The following ZNF584 variants were observed in gnomAD, a reference collection of about 807,000 sequenced individuals.
ZNF584 encodes the protein zinc finger protein 584.
A neutral mutation model predicts 14.7 loss-of-function variants in ZNF584; 12 were observed. That is an observed-to-expected ratio of 0.82 (90% CI 0.52 to 1.32). The LOEUF (loss-of-function observed/expected upper bound fraction) is 1.32. Among genes scored for constraint, ZNF584 ranks in the 40% most tolerant of loss-of-function variants. The pLI is 0.00. For synonymous variants in ZNF584, 204 were observed against 190.9 expected, an observed-to-expected ratio of 1.07 and a Z score of -0.57; for missense variants, 478 against 518.8, an observed-to-expected ratio of 0.92 and a Z score of 0.76.
Position 58,410,583 on chromosome 19 carries a change from GTATATATATGTA to G in ZNF584, c.169+500_169+511del, listed in dbSNP as rs1264296456. Among the ~76,000 whole-genome samples, 92 of 26,718 alleles carry G rather than the reference GTATATATATGTA, an allele frequency of 3.4e-3. 22 individuals carry two copies. The highest frequency in any genetic ancestry group is 3.5e-3 in the Non-Finnish European group (59 of 16,822). 17.5% of individuals were successfully genotyped at this position (26,718 alleles called of 152,430 possible). A position where few individuals can be genotyped will look rare whatever the true frequency, so the allele number is the denominator to read the frequency against. ...TGTGTATATATATATGTATATATATGTATATATATGTATATATATGTATATATATGTGTATAT... is the reference window on the plus strand; with the variant it reads ...TGTGTATATATATATGTATATATATGTATATATGTATATATATGTGTATAT... On this transcript the variant is annotated intron_variant, in intron 2 of 3. Transcript: ENST00000306910.
chr19:58,416,014 A>G, intron 3 of ZNF584: 7 of 1,536,570 alleles, frequency 4.6e-6, no homozygotes, highest in Non-Finnish European at 6.1e-6. Flanking sequence ...TTTTGCTGGG[A>G]CTAGACACAT....
At chr19:58,414,536 G>A (rs894846302) in intron 2 of ZNF584, among the ~76,000 whole-genome samples, 1 of 151,684 alleles carries the variant, frequency 6.6e-6, no homozygotes, top group African/African-American at 2.4e-5. Context: ...TAGAGATGGG[G>A]TTTCACTGTG....
rs1568585000 is a variant in ZNF584, at chr19:58,410,701, ATATGTATATATG to A, written c.169+612_169+623del. 1.6e-4 allele frequency among the ~76,000 whole-genome samples: 9 copies of A among 58,028 alleles called. 1 individual carries two copies. The highest frequency in any genetic ancestry group is 1.3e-3 in the African/African-American group (9 of 7,098). 38.1% of individuals were successfully genotyped at this position (58,028 alleles called of 152,430 possible). ...TATATATATGTATATATGTATATAT[ATATGTATATATG>A]TGTATATATATATGTATATATATAT... On this transcript the variant is annotated intron_variant, in intron 2 of 3. Transcript: ENST00000306910.
Position 58,410,543 on chromosome 19 carries a change from A to ATG in ZNF584, c.169+453_169+454insGT, listed in dbSNP as rs1386931776. 7.8e-4 allele frequency among the ~76,000 whole-genome samples: 18 copies of ATG among 23,146 alleles called. 2 individuals carry two copies. Among genetic ancestry groups the ATG allele is most frequent in the Middle Eastern group, 0.012 (1 of 86 alleles). The allele number at this position is 23,146 out of a possible 152,430, so 15.2% of individuals were successfully genotyped here. On this transcript the variant is annotated intron_variant, in intron 2 of 3. Transcript: ENST00000306910. ...AATATATATATATATATATATATAT[A>ATG]TATATATATATATATGTGTATATAT...
chr19:58,410,583 GTATATATATGTATATATA>G (rs1264296456), intron 2 of ZNF584, among the ~76,000 whole-genome samples: 2 of 26,720 alleles, frequency 7.5e-5, no homozygotes, highest in Admixed American at 8.1e-4. Flanking sequence ...GTATATATAT[GTATATATATGTATATATA>G]TGTATATATA....
At chr19:58,406,885 GTC>G (rs1418250957), upstream of ZNF584, 1 of 152,496 alleles carries the variant, frequency 6.6e-6, no homozygotes, top group East Asian at 1.9e-4. Flanking sequence ...TCCCACCTGT[GTC>G]TCCACTGGAG....
intron 2 of ZNF584, among the ~76,000 whole-genome samples, chr19:58,412,413 G>C (rs2052588483): frequency 6.6e-6 from 1 of 151,808 alleles, no homozygotes; most frequent in African/African-American, 2.4e-5. Flanking sequence ...GTTTCACCTT[G>C]TTAGCCAGGA....
chr19:58,403,027 T>C (rs919889059), intron 1 of ZNF584, among the ~76,000 whole-genome samples: 4 of 152,174 alleles, frequency 2.6e-5, no homozygotes, highest in African/African-American at 9.7e-5. Context: ...TAGCACCATA[T>C]GCTAGCAAGG....
rs763933357 is a variant in ZNF584 at position 58,416,768 on chromosome 19, C to A, written c.293-43C>A. ...TGCACTGGTGATTAAGGTACCTCCT[C>A]CCTCTAGTTCAACTCTTAGTAATGA... On this transcript the variant is annotated intron_variant, in intron 3 of 3. Transcript: ENST00000306910. 22 of 1,516,868 alleles carry A rather than the reference C, an allele frequency of 1.5e-5. No individual in the cohort carries two copies. The Middle Eastern group carries it at 6.0e-4, about 41-fold the overall frequency. The allele number at this position is 1,516,868 out of a possible 1,614,324, so 94.0% of individuals were successfully genotyped here.
chr19:58,401,884 T>TA (rs1448446745), intron 1 of ZNF584, among the ~76,000 whole-genome samples: 1 of 16,348 alleles, frequency 6.1e-5, no homozygotes, highest in Non-Finnish European at 9.2e-5. Flanking sequence ...GTGAGACTCC[T>TA]CAAAAAAAAA....
intron 1 of ZNF584, 44 bp downstream of exon 1, chr19:58,409,209 G>A (rs896061820): frequency 2.1e-6 from 3 of 1,397,062 alleles, no homozygotes; most frequent in Non-Finnish European, 2.8e-6. Context: ...CCCACCAGGT[G>A]GGGGGCGGCG....
At chr19:58,415,779 T>G in intron 3 of ZNF584, 133 bp downstream of exon 3, 5 of 1,611,054 alleles carry the variant, frequency 3.1e-6, no homozygotes, top group Non-Finnish European at 4.2e-6. Flanking sequence ...CTGTCTTATG[T>G]GGACACTGTG....
At chr19:58,411,684 G>A (rs1012246773) in intron 2 of ZNF584, among the ~76,000 whole-genome samples, 2 of 150,764 alleles carry the variant, frequency 1.3e-5, no homozygotes, top group African/African-American at 2.4e-5. Flanking sequence ...TTGTTCTGTC[G>A]CCAGGCTGGA....
intron 3 of ZNF584, chr19:58,416,121 C>T (rs1176055353): frequency 1.7e-5 from 11 of 639,486 alleles, no homozygotes; most frequent in Non-Finnish European, 2.6e-5. Context: ...TTCCCTGCAC[C>T]ATATCCTATC....
chr19:58,409,300 G>T, intron 1 of ZNF584, 135 bp downstream of exon 1: 1 of 1,081,562 alleles, frequency 9.2e-7, no homozygotes, highest in African/African-American at 1.7e-5. Context: ...GCTGGGGCAT[G>T]CCCTTGGCAG....
Position 58,408,993 on chromosome 19 carries a change from C to T in ZNF584, c.-155C>T, listed in dbSNP as rs2052504481. ...GCCTCCGTACCGTCCTCCTTCCCAG[C>T]GGCTCCGGGAAGCGGTTCCCTGTCT... On this transcript the variant is annotated 5_prime_UTR_variant, in exon 1 of 4. Transcript: ENST00000306910. 9.5e-6 allele frequency: 9 copies of T among 949,274 alleles called. No homozygotes were observed. In the South Asian group the frequency reaches 1.2e-4, roughly 13 times the overall value. 58.8% of individuals were successfully genotyped at this position (949,274 alleles called of 1,614,324 possible).
upstream of ZNF584, chr19:58,406,845 T>C (rs922554587): frequency 1.3e-5 from 2 of 152,380 alleles, no homozygotes; most frequent in Non-Finnish European, 2.9e-5. Context: ...GGGGTACTGA[T>C]GACAGGCATG....
intron 3 of ZNF584, chr19:58,415,866 C>T (rs1435238337): frequency 5.6e-6 from 9 of 1,599,698 alleles, no homozygotes; most frequent in South Asian, 5.5e-5. Flanking sequence ...CATTGCCCTT[C>T]TCTGTATCTG....
chr19:58,417,308 C>A lies in ZNF584; in HGVS notation c.790C>A (p.His264Asn). Residue 264 changes from histidine to asparagine, a missense_variant, in exon 4 of 4, where the codon CAC becomes AAC. Physicochemically the swap from His to Asn is moderately conservative, Grantham distance 68. Coordinates refer to ENST00000306910, the MANE Select transcript of ZNF584 (RefSeq NM_173548.3). ...KDALVLHQRI[H>N]TGERPYECSK... ...CGCACTTGTTCTACACCAGAGGATT[C>A]ACACTGGAGAAAGGCCTTACGAGTG... The A allele has an allele frequency of 6.2e-7, 1 of 1,614,220 alleles. No individual in the cohort carries two copies. The highest frequency in any genetic ancestry group is 8.5e-7 in the Non-Finnish European group (1 of 1,180,034).
Sources: allele counts gnomAD v4.1 joint callset (sites outside exome capture counted in the v4.1 genomes callset), GRCh38; gene constraint gnomAD v4.1.1; transcripts MANE v1.5; gene names NCBI Gene and HGNC (gene_info 2026-07-23, HGNC 2026-07-21).